FAAH2: variants seen among roughly 807,000 people sequenced by gnomAD.
FAAH2 encodes fatty-acid amide hydrolase 2.
FAAH2 carries 60 observed loss-of-function variants against 36.9 expected under a neutral mutation model. The observed-to-expected ratio is 1.63, with a 90% confidence interval of 1.32 to 2.02. The LOEUF is 2.02. FAAH2 is among the 30% of genes most tolerant of loss of function. The pLI is 0.00. For missense variants in FAAH2, 689 were observed against 397.5 expected, an observed-to-expected ratio of 1.73 and a Z score of -6.23; for synonymous variants, 214 against 143.8, an observed-to-expected ratio of 1.49 and a Z score of -3.49.
the FAAH2 span, among the ~76,000 whole-genome samples, chrX:57,268,554 G>A: frequency 1.3e-4 from 14 of 111,125 alleles, no homozygotes; most frequent in Non-Finnish European, 2.3e-4. Flanking sequence ...TACTCATCAC[G>A]TTCTCCAAGG....
In FAAH2 at chrX:57,428,000, C is replaced by T. The variant is rs1044652988; in HGVS notation, c.997-3918C>T. Among the ~76,000 whole-genome samples, 4 of 111,438 alleles carry T rather than the reference C, an allele frequency of 3.6e-5. No homozygotes were observed. In the Admixed American group the frequency reaches 3.8e-4, roughly 11 times the overall value. On this transcript the variant is annotated intron_variant, in intron 7 of 10. Transcript: ENST00000374900. ...ATAATATGACCTTATACATAGAAAA[C>T]TTTAAAGACTCTACCCCAAAGACTC...
intron 7 of FAAH2, chrX:57,393,656 CCTTT>C: frequency 2.1e-6 from 2 of 969,532 alleles, no homozygotes; most frequent in Non-Finnish European, 1.5e-6. Flanking sequence ...GACGGGGTCT[CCTTT>C]CTTACTGGAT....
chrX:57,272,238 A>T, the FAAH2 span, among the ~76,000 whole-genome samples: 1 of 110,123 alleles, frequency 9.1e-6, no homozygotes, highest in South Asian at 3.9e-4. Flanking sequence ...CAAACACTCC[A>T]AGAAATCTGG....
At chrX:57,402,607 T>A (rs2055465691) in intron 7 of FAAH2, among the ~76,000 whole-genome samples, 1 of 112,244 alleles carries the variant, frequency 8.9e-6, no homozygotes, top group Non-Finnish European at 1.9e-5. Context: ...TAGCCTTCAA[T>A]AGAGTCAGGT....
intron 10 of FAAH2, among the ~76,000 whole-genome samples, chrX:57,479,149 C>A (rs1384519364): frequency 9.0e-6 from 1 of 111,119 alleles, no homozygotes; most frequent in Non-Finnish European, 1.9e-5. Context: ...TTTTTTGTAT[C>A]CTCTTTTATT....
At chrX:57,365,768 C>A (rs181224911) in intron 5 of FAAH2, among the ~76,000 whole-genome samples, 2 of 111,926 alleles carry the variant, frequency 1.8e-5, no homozygotes, top group Middle Eastern at 4.7e-3. Context: ...CTATTCTTCA[C>A]CATTGTCGTC....
intron 7 of FAAH2, 139 bp from the exon 8 acceptor site, chrX:57,431,779 G>GTGTTTTTGT: frequency 1.2e-5 from 1 of 83,463 alleles, no homozygotes; most frequent in Non-Finnish European, 2.2e-5. Flanking sequence ...TTGTTTTTTT[G>GTGTTTTTGT]TTTTTTTGTT....
intron 10 of FAAH2, among the ~76,000 whole-genome samples, chrX:57,457,694 T>G (rs1324879605): frequency 9.0e-5 from 3 of 33,324 alleles, no homozygotes; most frequent in African/African-American, 2.2e-4. Context: ...CCATTTACAA[T>G]AGCCACAAAA....
intron 7 of FAAH2, among the ~76,000 whole-genome samples, chrX:57,406,844 G>A (rs1483604354): frequency 8.9e-6 from 1 of 112,397 alleles, no homozygotes; most frequent in African/African-American, 3.2e-5. Flanking sequence ...AGTGTGGATG[G>A]AGCCACTATT....
intron 7 of FAAH2, among the ~76,000 whole-genome samples, chrX:57,391,367 G>A (rs1319102734): frequency 1.8e-5 from 2 of 110,661 alleles, no homozygotes; most frequent in Non-Finnish European, 3.8e-5. Context: ...TTGCTTTTGA[G>A]GTCTTAGTCA....
chrX:57,138,194 T>C, the FAAH2 span, among the ~76,000 whole-genome samples: 1 of 111,973 alleles, frequency 8.9e-6, no homozygotes, highest in Non-Finnish European at 1.9e-5. Context: ...AGTGAAGTCA[T>C]TTTTAATTTT....
chrX:57,175,692 T>C, the FAAH2 span, among the ~76,000 whole-genome samples: 3 of 111,995 alleles, frequency 2.7e-5, no homozygotes, highest in African/African-American at 9.7e-5. Flanking sequence ...CAAGAGGTTC[T>C]ATTCTGGTCT....
chrX:57,180,802 A>T, the FAAH2 span, among the ~76,000 whole-genome samples: 2 of 111,585 alleles, frequency 1.8e-5, no homozygotes, highest in African/African-American at 3.3e-5. Context: ...CATTATCCTG[A>T]CATCAAAACC....
intron 6 of FAAH2, among the ~76,000 whole-genome samples, chrX:57,379,543 TCTCA>T (rs201113030): frequency 4.9e-4 from 53 of 107,138 alleles, no homozygotes; most frequent in Admixed American, 1.3e-3. Flanking sequence ...TCTCTCTCTC[TCTCA>T]CACACACACA....
chrX:57,321,453 C>T (rs769472189), intron 3 of FAAH2, among the ~76,000 whole-genome samples: 28 of 109,046 alleles, frequency 2.6e-4, no homozygotes, highest in Non-Finnish European at 5.1e-4. Context: ...GCATATGTAT[C>T]CCATAACTTA....
chrX:57,134,212 T>A, the FAAH2 span, among the ~76,000 whole-genome samples: 3 of 111,805 alleles, frequency 2.7e-5, no homozygotes, highest in Non-Finnish European at 5.6e-5. Flanking sequence ...GCCTTGACCC[T>A]TTTTTGTGAC....
intron 8 of FAAH2, among the ~76,000 whole-genome samples, chrX:57,437,555 T>C (rs2056434972): frequency 9.2e-6 from 1 of 108,874 alleles, no homozygotes; most frequent in Non-Finnish European, 1.9e-5. Context: ...AATACATGTA[T>C]AAAAACAAGT....
the FAAH2 span, among the ~76,000 whole-genome samples, chrX:57,149,052 G>A: frequency 2.9e-4 from 32 of 111,853 alleles, 1 homozygote; most frequent in African/African-American, 1.0e-3. Context: ...TTTATATGCT[G>A]GATTACATTT....
intron 10 of FAAH2, among the ~76,000 whole-genome samples, chrX:57,463,360 A>T (rs760736116): frequency 9.0e-6 from 1 of 111,320 alleles, no homozygotes; most frequent in Non-Finnish European, 1.9e-5. Context: ...AGAAAACCCT[A>T]AGAAAAAAGA....
Sources: gnomAD v4.1 joint callset for allele counts (sites outside exome capture counted in the v4.1 genomes callset) on GRCh38, gnomAD v4.1.1 for gene constraint, MANE v1.5 for transcripts, NCBI Gene and HGNC (gene_info 2026-07-23, HGNC 2026-07-21) for gene names.